Variants in IGHMBP2 observed in about 807,000 individuals in gnomAD.
The protein encoded by IGHMBP2 is DNA-binding protein SMUBP-2.
A neutral mutation model predicts 96.0 loss-of-function variants in IGHMBP2; 81 were observed. The ratio of observed to expected loss-of-function variants is 0.84; its 90% CI spans 0.71 to 1.01. IGHMBP2 has a LOEUF of 1.01. Among genes scored for constraint, IGHMBP2 ranks in the 50% least tolerant of loss-of-function variants. The pLI, the probability that IGHMBP2 is intolerant of heterozygous loss-of-function variation, is 0.00. For missense variants in IGHMBP2, 1,227 were observed against 1,306.3 expected, an observed-to-expected ratio of 0.94 and a Z score of 0.94; for synonymous variants, 557 against 548.9, an observed-to-expected ratio of 1.01 and a Z score of -0.21.
At chr11:68,913,869 G>A (rs1858543665) in intron 5 of IGHMBP2, among the ~76,000 whole-genome samples, 1 of 152,182 alleles carries the variant, frequency 6.6e-6, no homozygotes, top group Non-Finnish European at 1.5e-5. Context: ...CACCAGGAGT[G>A]TGGTCTAGGT....
At chr11:68,904,803 C>CTTTT (rs1555241972) in intron 1 of IGHMBP2, among the ~76,000 whole-genome samples, 1 of 120,996 alleles carries the variant, frequency 8.3e-6, no homozygotes, top group Non-Finnish European at 1.7e-5. Flanking sequence ...TTTTCTTTTT[C>CTTTT]TTTTTTTTTT....
intron 2 of IGHMBP2, 70 bp from the exon 3 acceptor site, chr11:68,908,075 G>A: frequency 8.4e-7 from 1 of 1,194,762 alleles, no homozygotes; most frequent in Non-Finnish European, 1.3e-6. Context: ...AAGTATAGTG[G>A]ATTTTATTAC....
At position 68,936,497 on chromosome 11, in the gene IGHMBP2, A is replaced by G. The variant is rs1305680677; in HGVS notation, c.2017A>G (p.Thr673Ala). 4 of 1,613,614 alleles carry G rather than the reference A, an allele frequency of 2.5e-6. No homozygotes were observed. The African/African-American group carries it at 5.3e-5, about 22-fold the overall frequency. ...CAAGCCCCAGGGACCTGCTACGTCC[A>G]CCAGGACCGGAAGCCAGCGGCAGGA... ...ATKPQGPATS[T>A]RTGSQRQEGG... Residue 673 changes from threonine (T) to alanine (A), a missense_variant, in exon 13 of 15, where the codon ACC (threonine) becomes GCC (alanine). By Grantham distance (58) the Thr-to-Ala change is moderately conservative (BLOSUM62 0). This residue lies in a region of IGHMBP2 where 703 missense variants were observed against 770.3 expected (regional missense o/e 0.91). Coordinates refer to ENST00000255078, the MANE Select transcript of IGHMBP2 (RefSeq NM_002180.3).
chr11:68,936,547 TGC>T lies in IGHMBP2; in HGVS notation c.2068_2069del (p.Ala690GlnfsTer15), dbSNP rs1859536454. 6.2e-7 allele frequency: 1 copy of T among 1,612,696 alleles called. No homozygotes were observed. The highest frequency in any genetic ancestry group is 2.2e-5 in the East Asian group (1 of 44,868). ...QEGGQEAAAP[A>X]RQGRKKPAGK... ...AGGGAGGCCAGGAGGCTGCAGCACC[TGC>T]CAGACAGGGCCGGAAGAAGCCGGCT... On this transcript the variant is annotated frameshift_variant, in exon 13 of 15. Coordinates refer to ENST00000255078, the MANE Select transcript of IGHMBP2 (RefSeq NM_002180.3). LOFTEE classifies it high-confidence loss of function.
In IGHMBP2 at chr11:68,934,497, C is replaced by T. The variant is rs765910967; in HGVS notation, c.1571C>T (p.Ala524Val). The T allele has an allele frequency of 1.2e-6, 2 of 1,612,584 alleles. No individual in the cohort carries two copies. Among genetic ancestry groups the T allele is most frequent in the Admixed American group, 3.3e-5 (2 of 59,860 alleles). Residue 524 changes from alanine (A) to valine (V), a missense_variant, in exon 11 of 15, where the codon GCT (alanine) becomes GTT (valine). Around this residue, in one of 3 missense-constraint regions of IGHMBP2, gnomAD observed 703 missense variants for 770.3 expected, o/e 0.91. Transcript: ENST00000255078. ...EVRLVSLHIQALVDAGVPARD... is the reference protein window; with the variant it reads ...EVRLVSLHIQVLVDAGVPARD... ...CGCCTCGTCAGTTTGCACATCCAGG[C>T]TCTGGTGGACGCTGGTGTTCCAGCC...
chr11:68,916,941 C>T (rs1835341888), intron 6 of IGHMBP2, among the ~76,000 whole-genome samples: 1 of 148,190 alleles, frequency 6.7e-6, no homozygotes. Context: ...CTCCATCCCC[C>T]AAAGTAGAAA....
Position 68,929,232 on chromosome 11 carries a change from C to G in IGHMBP2, c.1110C>G (p.Asp370Glu). The change falls in exon 8 of 15, where the codon GAC (aspartate) becomes GAG (glutamate). Residue 370 changes from aspartate (D) to glutamate (E), a missense_variant. Coordinates refer to ENST00000255078, the MANE Select transcript of IGHMBP2 (RefSeq NM_002180.3). Reference protein sequence around the residue: ...PLKLLPESYFDVVVIDECAQA... With the variant: ...PLKLLPESYFEVVVIDECAQA... ...AGTTGCTGCCCGAGAGCTACTTCGA[C>G]GTGGTGGTCATTGACGAGTGTGCCC... is the stretch of plus-strand genomic sequence containing the variant. 5 of 1,613,840 alleles carry G rather than the reference C, an allele frequency of 3.1e-6. No individual in the cohort carries two copies. Among genetic ancestry groups the G allele is most frequent in the Non-Finnish European group, 4.2e-6 (5 of 1,180,028 alleles).
At chr11:68,935,186 C>T in intron 11 of IGHMBP2, 113 bp from the exon 12 acceptor site, 2 of 1,434,144 alleles carry the variant, frequency 1.4e-6, no homozygotes, top group South Asian at 2.4e-5. Flanking sequence ...GCAGGCTCCG[C>T]TTCCCAGGTC....
intron 13 of IGHMBP2, 41 bp downstream of exon 13, chr11:68,937,132 T>G: frequency 6.3e-7 from 1 of 1,595,022 alleles, no homozygotes; most frequent in Non-Finnish European, 8.5e-7. Context: ...GTCCCCTCAC[T>G]GGGGTGCTGG....
At chr11:68,926,832 C>T (rs1859088485) in intron 7 of IGHMBP2, among the ~76,000 whole-genome samples, 1 of 152,078 alleles carries the variant, frequency 6.6e-6, no homozygotes, top group Non-Finnish European at 1.5e-5. Flanking sequence ...GTAGCGTGAT[C>T]TCGGCCTGCT....
rs1413846126 is a variant in IGHMBP2, at chr11:68,936,404, T to C, written c.1924T>C (p.Tyr642His). Residue 642 changes from tyrosine (Y) to histidine (H), a missense_variant, in exon 13 of 15, where the codon TAT becomes CAT. By Grantham distance (83) the Tyr-to-His change is moderately conservative. Transcript: ENST00000255078. ...TGGGGAAGTACGCACGGCCTTTGAG[T>C]ATCTTGACGATATTGTCCCAGAAAA... ...QHGEVRTAFE[Y>H]LDDIVPENYS... 2 of 1,614,080 alleles carry C rather than the reference T, an allele frequency of 1.2e-6. No individual in the cohort carries two copies. The highest frequency in any genetic ancestry group is 1.7e-6 in the Non-Finnish European group (2 of 1,180,008).
At position 68,934,387 on chromosome 11, in the gene IGHMBP2, G is replaced by T; in HGVS notation, c.1538-77G>T. 7 of 1,003,464 alleles carry T rather than the reference G, an allele frequency of 7.0e-6. No individual in the cohort carries two copies. The South Asian group carries it at 8.1e-5, about 12-fold the overall frequency. The allele number at this position is 1,003,464 out of a possible 1,614,324, so 62.2% of individuals were successfully genotyped here. On this transcript the variant is annotated intron_variant, in intron 10 of 14. Transcript: ENST00000255078. ...AGCTGGCCATGATAGACAGAAACGTGCCCGAAACACGTGTTGGTGGTGGAT... is the reference window on the plus strand; with the variant it reads ...AGCTGGCCATGATAGACAGAAACGTTCCCGAAACACGTGTTGGTGGTGGAT...
At chr11:68,924,088 G>T (rs1185551054) in intron 7 of IGHMBP2, among the ~76,000 whole-genome samples, 1 of 152,166 alleles carries the variant, frequency 6.6e-6, no homozygotes, top group Non-Finnish European at 1.5e-5. Context: ...GTTACCTGTT[G>T]TCTAGTGTCC....
At chr11:68,928,230 G>C (rs2154008175) in intron 7 of IGHMBP2, among the ~76,000 whole-genome samples, 1 of 152,264 alleles carries the variant, frequency 6.6e-6, no homozygotes, top group East Asian at 1.9e-4. Flanking sequence ...GTTCCCTGCT[G>C]GTTGTTGGGG....
chr11:68,909,657 T>C (rs1187533145), intron 4 of IGHMBP2, among the ~76,000 whole-genome samples: 1 of 150,540 alleles, frequency 6.6e-6, no homozygotes, highest in Non-Finnish European at 1.5e-5. Context: ...AGACGGAGAC[T>C]TGCTCTGTCA....
chr11:68,906,149 G>T lies in IGHMBP2; in HGVS notation c.167G>T (p.Arg56Leu). ...CLLKLQVSSQRTGLYGRLLVT... is the reference protein window; with the variant it reads ...CLLKLQVSSQLTGLYGRLLVT... ...CTGAAGCTGCAGGTATCCAGCCAGCGCACTGGGCTGTACGGACGGCTGCTG... is the reference window on the plus strand; with the variant it reads ...CTGAAGCTGCAGGTATCCAGCCAGCTCACTGGGCTGTACGGACGGCTGCTG... The change falls in exon 2 of 15, where the codon CGC (arginine) becomes CTC (leucine). Residue 56 changes from arginine (R) to leucine (L), a missense_variant. Coordinates refer to ENST00000255078, the MANE Select transcript of IGHMBP2 (RefSeq NM_002180.3). 3 of 1,614,168 alleles carry T rather than the reference G, an allele frequency of 1.9e-6. No homozygotes were observed. Among genetic ancestry groups the T allele is most frequent in the Non-Finnish European group, 2.5e-6 (3 of 1,180,010 alleles).
At chr11:68,931,529 G>T (rs1859299851) in intron 8 of IGHMBP2, among the ~76,000 whole-genome samples, 1 of 152,168 alleles carries the variant, frequency 6.6e-6, no homozygotes, top group African/African-American at 2.4e-5. Flanking sequence ...CTGTAGCCCC[G>T]CCCTTCTGGA....
intron 7 of IGHMBP2, among the ~76,000 whole-genome samples, chr11:68,918,261 G>T (rs1179290661): frequency 6.6e-6 from 1 of 150,836 alleles, no homozygotes; most frequent in South Asian, 2.1e-4. Context: ...ATACTGGTTT[G>T]TGTGCTCTTT....
At chr11:68,935,555 T>TCAGGCA in intron 12 of IGHMBP2, 133 bp downstream of exon 12, 1 of 1,080,830 alleles carries the variant, frequency 9.3e-7, no homozygotes, top group Non-Finnish European at 1.4e-6. Context: ...CTGTCCTTAG[T>TCAGGCA]AAGTTCACGT....
Sources: gnomAD v4.1 joint callset for allele counts (sites outside exome capture counted in the v4.1 genomes callset) on GRCh38, gnomAD v4.1.1 for gene constraint, gnomAD v4.1.1 regional missense constraint, MANE v1.5 for transcripts, NCBI Gene and HGNC (gene_info 2026-07-23, HGNC 2026-07-21) for gene names.